CLNK: variants seen among roughly 807,000 people sequenced by gnomAD.
The protein encoded by CLNK is cytokine-dependent hematopoietic cell linker.
Under a neutral mutation model 68.6 loss-of-function variants are expected in CLNK, and 74 were observed. The ratio of observed to expected loss-of-function variants is 1.08; its 90% CI spans 0.89 to 1.31. CLNK has a LOEUF of 1.31. CLNK is among the 50% of genes most tolerant of loss of function. The pLI is 0.00. For synonymous variants in CLNK, 198 were observed against 172.2 expected (o/e 1.15, Z -1.17); for missense variants, 553 against 515.3 (o/e 1.07, Z -0.71).
chr4:10,706,156 G>A, the CLNK span, among the ~76,000 whole-genome samples: 1 of 152,196 alleles, frequency 6.6e-6, no homozygotes, highest in Non-Finnish European at 1.5e-5. Context: ...CAGGGAATGT[G>A]GGAATAGGTG....
At chr4:10,521,824 G>A (rs1160455943) in intron 14 of CLNK, among the ~76,000 whole-genome samples, 1 of 152,124 alleles carries the variant, frequency 6.6e-6, no homozygotes, top group Non-Finnish European at 1.5e-5. Flanking sequence ...GGAAAAAATA[G>A]GGAATAGCAA....
chr4:10,715,986 T>C, the CLNK span, among the ~76,000 whole-genome samples: 2 of 152,232 alleles, frequency 1.3e-5, no homozygotes, highest in East Asian at 1.9e-4. Context: ...ATTCTTTTCC[T>C]GAGCCTCCGC....
At chr4:10,672,871 C>G (rs751412959) in intron 1 of CLNK, among the ~76,000 whole-genome samples, 1 of 152,166 alleles carries the variant, frequency 6.6e-6, no homozygotes, top group African/African-American at 2.4e-5. Flanking sequence ...TTTTCTCATT[C>G]TTATGGAAAG....
At chr4:10,594,221 G>A (rs1721298161) in intron 3 of CLNK, among the ~76,000 whole-genome samples, 1 of 152,162 alleles carries the variant, frequency 6.6e-6, no homozygotes. Context: ...AATGTAAGAG[G>A]TCAGACATTT....
intron 18 of CLNK, 147 bp downstream of exon 18, chr4:10,501,109 G>T: frequency 1.3e-6 from 1 of 755,946 alleles, no homozygotes; most frequent in Non-Finnish European, 2.0e-6. Context: ...TGTAAGATGT[G>T]CAGATATTTG....
intron 2 of CLNK, among the ~76,000 whole-genome samples, chr4:10,624,887 C>T (rs147156406): frequency 6.6e-6 from 1 of 152,212 alleles, no homozygotes; most frequent in Non-Finnish European, 1.5e-5. Context: ...AGATGTCCGC[C>T]CCACATCTCT....
At chr4:10,731,116 A>G in the CLNK span, among the ~76,000 whole-genome samples, 2 of 152,256 alleles carry the variant, frequency 1.3e-5, no homozygotes, top group African/African-American at 4.8e-5. Context: ...GACATATACC[A>G]TAAATTATTG....
At chr4:10,537,067 A>G (rs1285959585) in intron 11 of CLNK, among the ~76,000 whole-genome samples, 1 of 152,232 alleles carries the variant, frequency 6.6e-6, no homozygotes, top group Non-Finnish European at 1.5e-5. Flanking sequence ...AGCCTTAAAA[A>G]TTCTGATGCC....
chr4:10,711,965 G>A, the CLNK span, among the ~76,000 whole-genome samples: 1 of 152,104 alleles, frequency 6.6e-6, no homozygotes, highest in Non-Finnish European at 1.5e-5. Flanking sequence ...AATATTGGCT[G>A]GGGCACCGGG....
At chr4:10,548,350 C>A (rs941353659) in intron 8 of CLNK, among the ~76,000 whole-genome samples, 2 of 152,152 alleles carry the variant, frequency 1.3e-5, no homozygotes, top group Non-Finnish European at 2.9e-5. Context: ...CCAATAAGGT[C>A]ACTCATTTTT....
chr4:10,584,485 G>A (rs541379299), intron 4 of CLNK, among the ~76,000 whole-genome samples: 114 of 152,292 alleles, frequency 7.5e-4, no homozygotes, highest in Admixed American at 1.5e-3. Context: ...CCAGAAAATA[G>A]GCTATGAAGA....
At chr4:10,518,566 T>C (rs1717933469) in intron 15 of CLNK, among the ~76,000 whole-genome samples, 1 of 152,234 alleles carries the variant, frequency 6.6e-6, no homozygotes, top group African/African-American at 2.4e-5. Flanking sequence ...ACGTTGTTAC[T>C]ACTTTGGAAT....
intron 5 of CLNK, among the ~76,000 whole-genome samples, chr4:10,571,232 A>G (rs1431657806): frequency 1.3e-5 from 2 of 151,980 alleles, no homozygotes; most frequent in Non-Finnish European, 2.9e-5. Context: ...AGGAATTGGA[A>G]TATAGTTTTA....
At chr4:10,595,168 A>C (rs1721338872) in intron 3 of CLNK, among the ~76,000 whole-genome samples, 1 of 152,232 alleles carries the variant, frequency 6.6e-6, no homozygotes, top group East Asian at 1.9e-4. Flanking sequence ...ATTCAAATCC[A>C]ACTGGTACCA....
the CLNK span, among the ~76,000 whole-genome samples, chr4:10,726,417 C>T: frequency 6.6e-6 from 1 of 152,150 alleles, no homozygotes. Flanking sequence ...CCATGCCTGG[C>T]CCTATGTGTG....
At chr4:10,597,119 A>G (rs1032930110) in intron 3 of CLNK, among the ~76,000 whole-genome samples, 1 of 152,238 alleles carries the variant, frequency 6.6e-6, no homozygotes, top group African/African-American at 2.4e-5. Context: ...GGCACATTTT[A>G]GAATTCCAAG....
At chr4:10,493,162 TA>T (rs1194450669) in intron 18 of CLNK, among the ~76,000 whole-genome samples, 2 of 151,852 alleles carry the variant, frequency 1.3e-5, no homozygotes, top group Admixed American at 6.6e-5. Flanking sequence ...ACCAAAAATA[TA>T]AAAAATTAGC....
At chr4:10,701,671 C>G in the CLNK span, among the ~76,000 whole-genome samples, 2 of 152,212 alleles carry the variant, frequency 1.3e-5, no homozygotes, top group Non-Finnish European at 2.9e-5. Flanking sequence ...AAAGGCTTCA[C>G]ATTTATTAGC....
chr4:10,507,912 A>T lies in CLNK; in HGVS notation c.984+47T>A, dbSNP rs113801780. 4.9e-4 allele frequency: 690 copies of T among 1,399,916 alleles called. 3 individuals are homozygous for T. In the African/African-American group the frequency reaches 8.6e-3, roughly 17 times the overall value. The allele number at this position is 1,399,916 out of a possible 1,614,324, so 86.7% of individuals were successfully genotyped here. On this transcript the variant is annotated intron_variant, in intron 17 of 18. Coordinates refer to ENST00000226951, the MANE Select transcript of CLNK (RefSeq NM_052964.4). Reference sequence around the variant, plus strand: ...TTGTGACACATAAGCAGAGAACCTTAAGATGCCTATAGAAACAATAATGAT... The same window carrying T: ...TTGTGACACATAAGCAGAGAACCTTTAGATGCCTATAGAAACAATAATGAT...
Sources: gnomAD v4.1 joint callset for allele counts (sites outside exome capture counted in the v4.1 genomes callset) on GRCh38, gnomAD v4.1.1 for gene constraint, MANE v1.5 for transcripts, NCBI Gene and HGNC (gene_info 2026-07-23, HGNC 2026-07-21) for gene names.